Variants in ARHGAP19 observed in about 807,000 individuals in gnomAD.
ARHGAP19 encodes the protein rho GTPase-activating protein 19.
In ARHGAP19, 48 loss-of-function variants were observed where a neutral mutation model predicts 60.9. The observed-to-expected ratio is 0.79, with a 90% CI of 0.62 to 1.00. The LOEUF is 1.00. Ranked by LOEUF, ARHGAP19 falls within the 50% of genes least tolerant of loss-of-function variation. ARHGAP19 has a pLI of 0.00. For synonymous variants in ARHGAP19, 209 were observed against 215.5 expected (o/e 0.97, Z 0.27); for missense variants, 562 against 597.2 (o/e 0.94, Z 0.61).
chr10:97,260,905 G>A (rs2134880445), intron 4 of ARHGAP19, among the ~76,000 whole-genome samples: 1 of 146,856 alleles, frequency 6.8e-6, no homozygotes, highest in Admixed American at 6.9e-5. Flanking sequence ...ACCAGCCTGG[G>A]CAACATGGTG....
intron 1 of ARHGAP19, among the ~76,000 whole-genome samples, chr10:97,281,279 C>A (rs1589380982): frequency 6.6e-6 from 1 of 151,624 alleles, no homozygotes; most frequent in South Asian, 2.1e-4. Flanking sequence ...CTTGAGTCTA[C>A]GGTCCCAACT....
In ARHGAP19 at chr10:97,265,854, T is replaced by A. The variant is rs10882884; in HGVS notation, c.322+6A>T. 935,433 of 1,613,480 alleles carry A rather than the reference T, an allele frequency of 0.58. 277,472 individuals are homozygous for A. Among genetic ancestry groups the A allele is most frequent in the East Asian group, 0.7 (31,475 of 44,842 alleles). ...CCTGCCCACCCTTCACAAACACATC[T>A]CCTACCCTTTCGCTTGAGAGACATG... On this transcript the variant is annotated splice_donor_region_variant and intron_variant, in intron 2 of 11. Coordinates refer to ENST00000358531, the MANE Select transcript of ARHGAP19 (RefSeq NM_032900.6).
At chr10:97,259,845 G>GTTTTGT (rs929962823) in intron 4 of ARHGAP19, among the ~76,000 whole-genome samples, 1 of 149,776 alleles carries the variant, frequency 6.7e-6, no homozygotes, top group Non-Finnish European at 1.5e-5. Context: ...GTTTTGTTTT[G>GTTTTGT]TTTTTTTTGA....
rs763003145 is a variant in ARHGAP19, at chr10:97,256,332, G to A, written c.913C>T (p.Gln305Ter). The A allele has an allele frequency of 1.9e-6, 3 of 1,613,736 alleles. No homozygotes were observed. The highest frequency in any genetic ancestry group is 3.3e-5 in the Admixed American group (2 of 59,992). The change falls in exon 6 of 12, where the codon CAG (glutamine) becomes TAG (stop). Residue 305 changes from glutamine to a stop codon, truncating the protein, a stop_gained. Coordinates refer to ENST00000358531, the MANE Select transcript of ARHGAP19 (RefSeq NM_032900.6). LOFTEE classifies it high-confidence loss of function. ...SGMAFMIKHSQKLFKAPAYIR... is the reference protein window; with the variant it reads ...SGMAFMIKHS ...CCCTTACCTACCTTAAAAAGTTTCT[G>A]GGAGTGTTTAATCATAAAAGCCATC...
chr10:97,229,705 T>A lies in ARHGAP19; in HGVS notation c.1395+59A>T, dbSNP rs1850967289. ...GTAAAACAGATGACAGTATATCAAT[T>A]TTCCTCTTTTCTACAAATATATACA... On this transcript the variant is annotated intron_variant, in intron 10 of 11. Transcript: ENST00000358531. 5 of 1,289,244 alleles carry A rather than the reference T, an allele frequency of 3.9e-6. No homozygotes were observed. In the South Asian group the frequency reaches 6.6e-5, roughly 17 times the overall value. 79.9% of individuals were successfully genotyped at this position (1,289,244 alleles called of 1,614,324 possible).
chr10:97,247,459 C>T (rs2134847044), intron 6 of ARHGAP19, among the ~76,000 whole-genome samples: 1 of 152,330 alleles, frequency 6.6e-6, no homozygotes, highest in East Asian at 1.9e-4. Context: ...TACATTTGCA[C>T]TTACCCTTTT....
At chr10:97,258,352 C>G (rs1842783695) in intron 5 of ARHGAP19, among the ~76,000 whole-genome samples, 1 of 152,056 alleles carries the variant, frequency 6.6e-6, no homozygotes, top group African/African-American at 2.4e-5. Flanking sequence ...ATGGCAAAAC[C>G]CCATCTCTAC....
At chr10:97,250,753 C>T (rs200794683) in intron 6 of ARHGAP19, among the ~76,000 whole-genome samples, 2 of 78,822 alleles carry the variant, frequency 2.5e-5, no homozygotes, top group African/African-American at 8.1e-5. Context: ...AAGAATATAT[C>T]TATTCTATTT....
intron 1 of ARHGAP19, among the ~76,000 whole-genome samples, chr10:97,272,244 T>C (rs1373060356): frequency 6.9e-6 from 1 of 145,610 alleles, no homozygotes; most frequent in African/African-American, 2.5e-5. Context: ...CAAGCAATTC[T>C]CCTGCCTCAG....
chr10:97,264,467 A>C (rs1208315398), intron 3 of ARHGAP19, among the ~76,000 whole-genome samples: 1 of 144,522 alleles, frequency 6.9e-6, no homozygotes, highest in Admixed American at 6.9e-5. Context: ...AAAAAAAAAA[A>C]GTAAAGAGTG....
intron 8 of ARHGAP19, among the ~76,000 whole-genome samples, chr10:97,236,803 G>GAAAAA (rs71007323): frequency 2.2e-4 from 18 of 80,006 alleles, no homozygotes; most frequent in African/African-American, 3.6e-4. Flanking sequence ...AACAGACTCA[G>GAAAAA]AAAAAAAAAA....
chr10:97,262,967 G>C (rs925439001), intron 4 of ARHGAP19, among the ~76,000 whole-genome samples: 2 of 152,002 alleles, frequency 1.3e-5, no homozygotes, highest in African/African-American at 4.8e-5. Context: ...AAAAAAATTT[G>C]CCAGGCGTGG....
At chr10:97,279,666 T>A (rs536774680) in intron 1 of ARHGAP19, among the ~76,000 whole-genome samples, 1 of 152,154 alleles carries the variant, frequency 6.6e-6, no homozygotes, top group African/African-American at 2.4e-5. Flanking sequence ...CTAATTTTTT[T>A]TTATTATTTG....
At chr10:97,251,445 CGGGGAA>C (rs138441222) in intron 6 of ARHGAP19, among the ~76,000 whole-genome samples, 112 of 4,832 alleles carry the variant, frequency 0.023, no homozygotes, top group Non-Finnish European at 0.033. Context: ...GGGGAGGAGA[CGGGGAA>C]GGGGAAGGGA....
intron 5 of ARHGAP19, among the ~76,000 whole-genome samples, chr10:97,257,282 C>CTT (rs34047177): frequency 4.9e-5 from 4 of 81,620 alleles, no homozygotes; most frequent in African/African-American, 1.3e-4. Context: ...CTTTTAAATA[C>CTT]TTTTTTTTTT....
intron 6 of ARHGAP19, among the ~76,000 whole-genome samples, chr10:97,255,917 T>G (rs1280124920): frequency 6.6e-6 from 1 of 152,142 alleles, no homozygotes; most frequent in African/African-American, 2.4e-5. Flanking sequence ...ACAAAGTTCT[T>G]AGAAAATTAT....
chr10:97,230,277 C>A (rs185308919), intron 9 of ARHGAP19, among the ~76,000 whole-genome samples: 4 of 152,298 alleles, frequency 2.6e-5, no homozygotes, highest in Admixed American at 1.3e-4. Flanking sequence ...AGTCCCTCCC[C>A]CCTACTTACC....
intron 3 of ARHGAP19, among the ~76,000 whole-genome samples, chr10:97,264,452 CA>C (rs11327785): frequency 0.89 from 123,701 of 138,442 alleles, 55,302 homozygotes; most frequent in Non-Finnish European, 0.96. Context: ...GACCTTGTCT[CA>C]AAAAAAAAAA....
At chr10:97,253,464 T>C (rs1414466315) in intron 6 of ARHGAP19, among the ~76,000 whole-genome samples, 1 of 147,182 alleles carries the variant, frequency 6.8e-6, no homozygotes, top group Non-Finnish European at 1.5e-5. Flanking sequence ...AGGTAGGGAG[T>C]AGAATAGTTA....
Sources: allele counts gnomAD v4.1 joint callset (sites outside exome capture counted in the v4.1 genomes callset), GRCh38; gene constraint gnomAD v4.1.1; transcripts MANE v1.5; gene names NCBI Gene and HGNC (gene_info 2026-07-23, HGNC 2026-07-21).